SAE1: variants seen among roughly 807,000 people sequenced by gnomAD.
The protein encoded by SAE1 is SUMO1 activating enzyme subunit 1.
In SAE1, 11 loss-of-function variants were observed where a neutral mutation model predicts 40.6. The ratio of observed to expected loss-of-function variants is 0.27; its 90% CI spans 0.17 to 0.45. The LOEUF (loss-of-function observed/expected upper bound fraction) is 0.45, where lower values mean the gene tolerates loss of function less well. Among genes scored for constraint, SAE1 ranks in the 20% least tolerant of loss-of-function variants. The pLI, the probability that SAE1 is intolerant of heterozygous loss-of-function variation, is 1.00. For missense variants in SAE1, 373 were observed against 427.3 expected (o/e 0.87, Z 1.12); for synonymous variants, 155 against 154.3 (o/e 1.00, Z -0.03).
chr19:47,189,436 CT>C (rs1459200494), intron 6 of SAE1, among the ~76,000 whole-genome samples: 2 of 152,124 alleles, frequency 1.3e-5, no homozygotes, highest in African/African-American at 4.8e-5. Context: ...TGGTGCGTGC[CT>C]GTAATCCCAG....
Position 47,150,261 on chromosome 19 carries a change from T to C in SAE1, c.270T>C (p.Asn90=), listed in dbSNP as rs2058280021. Residue 90 remains asparagine (N), a synonymous_variant, in exon 3 of 9, where the codon AAT becomes AAC. Transcript: ENST00000270225. ...FLIRTGSVGR[N]RAEASLERAQ... ...TTCGTACTGGGTCTGTTGGCCGAAA[T>C]AGGGCTGAAGCCTCTTTGGAGCGAG... 1.9e-6 allele frequency: 3 copies of C among 1,613,426 alleles called. No homozygotes were observed. Among genetic ancestry groups the C allele is most frequent in the Non-Finnish European group, 2.5e-6 (3 of 1,179,828 alleles).
chr19:47,146,584 A>C (rs2123199645), intron 2 of SAE1, among the ~76,000 whole-genome samples: 1 of 152,286 alleles, frequency 6.6e-6, no homozygotes, highest in East Asian at 1.9e-4. Flanking sequence ...CTGCAGTTGT[A>C]TTATCTCATT....
intron 7 of SAE1, among the ~76,000 whole-genome samples, chr19:47,198,937 A>G (rs779560891): frequency 7.9e-5 from 12 of 152,066 alleles, no homozygotes; most frequent in Non-Finnish European, 1.2e-4. Flanking sequence ...AAATAGAAAA[A>G]TTAACTGGGC....
chr19:47,144,592 G>C (rs1353837622), intron 2 of SAE1, among the ~76,000 whole-genome samples: 2 of 151,738 alleles, frequency 1.3e-5, no homozygotes, highest in Non-Finnish European at 2.9e-5. Flanking sequence ...CCAGCTACTC[G>C]GGAGGCTGAG....
intron 6 of SAE1, among the ~76,000 whole-genome samples, chr19:47,172,672 C>T (rs1202396212): frequency 6.6e-6 from 1 of 151,568 alleles, no homozygotes; most frequent in Admixed American, 6.6e-5. Context: ...AGCACTCCAG[C>T]CTGGGTGACA....
At chr19:47,180,148 T>C (rs1173746459) in intron 6 of SAE1, 12 of 455,956 alleles carry the variant, frequency 2.6e-5, no homozygotes, top group Non-Finnish European at 5.3e-5. Flanking sequence ...TTTCCTAGAA[T>C]TGTTTCCTAG....
intron 1 of SAE1, among the ~76,000 whole-genome samples, chr19:47,138,816 A>C (rs1224778316): frequency 2.0e-5 from 3 of 152,180 alleles, no homozygotes; most frequent in African/African-American, 7.2e-5. Context: ...GCCCCATTTC[A>C]ATCAAAACAG....
intron 6 of SAE1, among the ~76,000 whole-genome samples, chr19:47,187,898 C>G (rs2058553722): frequency 6.6e-6 from 1 of 152,160 alleles, no homozygotes; most frequent in African/African-American, 2.4e-5. Flanking sequence ...AACAGGCTTC[C>G]TGTGTGACAT....
chr19:47,206,757 TG>T (rs2058688718), intron 8 of SAE1, among the ~76,000 whole-genome samples: 3 of 152,126 alleles, frequency 2.0e-5, no homozygotes, highest in Non-Finnish European at 4.4e-5. Flanking sequence ...TCCCCAGTAT[TG>T]GTAAAGGACT....
At position 47,202,688 on chromosome 19, in the gene SAE1, C is replaced by T. The variant is rs867566995; in HGVS notation, c.879-983C>T. ...CAGCGCTTTGGGAGGCCGAGGCGGGCGGATCACGAGGTCAAGAGATTGAGA... is the reference window on the plus strand; with the variant it reads ...CAGCGCTTTGGGAGGCCGAGGCGGGTGGATCACGAGGTCAAGAGATTGAGA... On this transcript the variant is annotated intron_variant, in intron 7 of 8. Transcript: ENST00000270225. Among the ~76,000 whole-genome samples the T allele has an allele frequency of 1.2e-3, 188 of 151,086 alleles. 4 individuals carry two copies. The highest frequency in any genetic ancestry group is 1.2e-3 in the East Asian group (6 of 4,978).
At chr19:47,206,819 C>T (rs1010857791) in intron 8 of SAE1, among the ~76,000 whole-genome samples, 8 of 152,200 alleles carry the variant, frequency 5.3e-5, no homozygotes, top group African/African-American at 1.7e-4. Flanking sequence ...GAATTTACTA[C>T]GTGCTCGGCA....
At chr19:47,164,369 G>A (rs563991827) in intron 5 of SAE1, among the ~76,000 whole-genome samples, 4 of 151,858 alleles carry the variant, frequency 2.6e-5, no homozygotes, top group South Asian at 2.1e-4. Context: ...GGGTTTCACC[G>A]TGTTAGCTAG....
chr19:47,180,367 G>C (rs921181061), intron 6 of SAE1: 1 of 410,508 alleles, frequency 2.4e-6, no homozygotes, highest in African/African-American at 2.1e-5. Context: ...ATAGGGGCAT[G>C]TCAAAAGAAC....
chr19:47,140,345 A>T lies in SAE1; in HGVS notation c.99-3149A>T, dbSNP rs566070021. Among the ~76,000 whole-genome samples the T allele has an allele frequency of 2.2e-3, 336 of 151,778 alleles. 2 individuals are homozygous for T. The highest frequency in any genetic ancestry group is 5.2e-3 in the Admixed American group (79 of 15,216). ...ATGGTCTCGGTCTTCTGACCTCGTG[A>T]TCTGCCTGTCTCGGCCTCCCAAAGT... On this transcript the variant is annotated intron_variant, in intron 1 of 8. Transcript: ENST00000270225.
intron 4 of SAE1, among the ~76,000 whole-genome samples, chr19:47,154,178 C>T (rs1326948032): frequency 1.3e-5 from 2 of 152,176 alleles, no homozygotes; most frequent in African/African-American, 2.4e-5. Flanking sequence ...GCAACCTCCA[C>T]CTCCTGGATT....
chr19:47,145,024 C>T (rs1278135852), intron 2 of SAE1, among the ~76,000 whole-genome samples: 10 of 149,916 alleles, frequency 6.7e-5, no homozygotes, highest in Non-Finnish European at 1.5e-4. Context: ...TTTTTTGAGA[C>T]GGAGTTTAGC....
intron 8 of SAE1, among the ~76,000 whole-genome samples, chr19:47,206,753 G>C (rs2058688680): frequency 6.6e-6 from 1 of 152,110 alleles, no homozygotes; most frequent in Admixed American, 6.6e-5. Context: ...GGCATCCCCA[G>C]TATTGGTAAA....
intron 6 of SAE1, among the ~76,000 whole-genome samples, chr19:47,173,366 C>A (rs1004362130): frequency 1.3e-5 from 2 of 152,156 alleles, no homozygotes; most frequent in Admixed American, 1.3e-4. Context: ...GTTTCTTCCT[C>A]AACCACCTGT....
chr19:47,146,521 C>T (rs2058256242), intron 2 of SAE1, among the ~76,000 whole-genome samples: 1 of 152,048 alleles, frequency 6.6e-6, no homozygotes, highest in Admixed American at 6.6e-5. Flanking sequence ...TTAAGGAAAG[C>T]CAGGAATAAC....
Sources: gnomAD v4.1 joint callset for allele counts (sites outside exome capture counted in the v4.1 genomes callset) on GRCh38, gnomAD v4.1.1 for gene constraint, MANE v1.5 for transcripts, NCBI Gene and HGNC (gene_info 2026-07-23, HGNC 2026-07-21) for gene names.